The following KHDRBS2 variants were observed in gnomAD, a reference collection of about 807,000 sequenced individuals.
KHDRBS2 encodes the protein KH domain-containing, RNA-binding, signal transduction-associated protein 2.
A neutral mutation model predicts 44.3 loss-of-function variants in KHDRBS2; 26 were observed. The ratio of observed to expected loss-of-function variants is 0.59; its 90% CI spans 0.43 to 0.81. The LOEUF is 0.81. Ranked by LOEUF, KHDRBS2 falls within the 40% of genes least tolerant of loss-of-function variation. The pLI, the probability that KHDRBS2 is intolerant of heterozygous loss-of-function variation, is 0.00. For missense variants in KHDRBS2, 476 were observed against 433.1 expected (o/e 1.10, Z -0.88); for synonymous variants, 194 against 151.1 (o/e 1.28, Z -2.08).
At chr6:61,996,792 T>G (rs1485711614) in intron 3 of KHDRBS2, among the ~76,000 whole-genome samples, 2 of 61,446 alleles carry the variant, frequency 3.3e-5, no homozygotes, top group African/African-American at 6.6e-5. Context: ...CCTCCCCCCC[T>G]CACCCCCCCG....
intron 1 of KHDRBS2, among the ~76,000 whole-genome samples, chr6:62,228,316 G>A (rs1832273640): frequency 6.6e-6 from 1 of 152,114 alleles, no homozygotes; most frequent in Admixed American, 6.6e-5. Context: ...TGCTAGAGGT[G>A]TTTATAGTAC....
intron 2 of KHDRBS2, among the ~76,000 whole-genome samples, chr6:62,099,934 A>G (rs963672531): frequency 7.2e-5 from 11 of 152,230 alleles, no homozygotes; most frequent in Non-Finnish European, 1.3e-4. Flanking sequence ...TTCAAGTCCT[A>G]TTAATTAAGA....
the KHDRBS2 span, among the ~76,000 whole-genome samples, chr6:61,543,723 G>A: frequency 6.6e-6 from 1 of 152,030 alleles, no homozygotes; most frequent in Admixed American, 6.6e-5. Context: ...CAGATGAATG[G>A]ATAGCAAACA....
chr6:62,204,973 T>A (rs1293474764), intron 1 of KHDRBS2, among the ~76,000 whole-genome samples: 2 of 152,146 alleles, frequency 1.3e-5, no homozygotes, highest in Non-Finnish European at 2.9e-5. Context: ...AATAGTGTCT[T>A]CCTCTGGAGC....
At chr6:61,872,348 G>A (rs962162401) in intron 6 of KHDRBS2, among the ~76,000 whole-genome samples, 7 of 151,712 alleles carry the variant, frequency 4.6e-5, no homozygotes, top group African/African-American at 7.2e-5. Context: ...AAGAATCTTC[G>A]GATCATTAGA....
intron 3 of KHDRBS2, among the ~76,000 whole-genome samples, chr6:62,023,789 G>C (rs1207997395): frequency 1.3e-5 from 2 of 151,050 alleles, no homozygotes; most frequent in Non-Finnish European, 3.0e-5. Context: ...CCATACATTT[G>C]AGAATATTTA....
At chr6:61,615,320 T>A in the KHDRBS2 span, among the ~76,000 whole-genome samples, 1 of 150,054 alleles carries the variant, frequency 6.7e-6, no homozygotes, top group Non-Finnish European at 1.5e-5. Context: ...GCTCTTAAAA[T>A]AGTGCCTGGC....
chr6:61,995,834 C>G (rs1316964758), intron 3 of KHDRBS2, among the ~76,000 whole-genome samples: 2 of 152,136 alleles, frequency 1.3e-5, no homozygotes, highest in African/African-American at 4.8e-5. Context: ...CACTCTTCTC[C>G]CCACCAATTA....
At chr6:62,215,298 T>C (rs1829795343) in intron 1 of KHDRBS2, among the ~76,000 whole-genome samples, 1 of 151,896 alleles carries the variant, frequency 6.6e-6, no homozygotes, top group Non-Finnish European at 1.5e-5. Context: ...ATGAAGAGTG[T>C]TGCCCATTAC....
the KHDRBS2 span, among the ~76,000 whole-genome samples, chr6:61,589,788 T>A: frequency 1.3e-5 from 2 of 152,330 alleles, no homozygotes; most frequent in East Asian, 3.9e-4. Flanking sequence ...TGGAAAATAA[T>A]CTTTTTAGTG....
chr6:61,960,688 T>C (rs1482643118), intron 4 of KHDRBS2, among the ~76,000 whole-genome samples: 1 of 152,168 alleles, frequency 6.6e-6, no homozygotes, highest in Non-Finnish European at 1.5e-5. Context: ...TAAATTATTC[T>C]AAGCATTTTA....
intron 1 of KHDRBS2, among the ~76,000 whole-genome samples, chr6:62,281,718 T>C (rs1200377348): frequency 6.6e-6 from 1 of 152,196 alleles, no homozygotes; most frequent in Non-Finnish European, 1.5e-5. Flanking sequence ...TTTTTGTTTT[T>C]TCATCTTAAA....
the KHDRBS2 span, among the ~76,000 whole-genome samples, chr6:61,616,177 A>C: frequency 6.6e-6 from 1 of 152,180 alleles, no homozygotes; most frequent in African/African-American, 2.4e-5. Flanking sequence ...GGGCTAAGTG[A>C]GAATGAGAGT....
chr6:61,814,619 A>C (rs1185104289), intron 6 of KHDRBS2, among the ~76,000 whole-genome samples: 1 of 152,082 alleles, frequency 6.6e-6, no homozygotes, highest in Non-Finnish European at 1.5e-5. Flanking sequence ...AACAAAAACA[A>C]ACAAACAAAA....
intron 1 of KHDRBS2, among the ~76,000 whole-genome samples, chr6:62,281,491 G>A (rs560544204): frequency 4.0e-5 from 6 of 151,886 alleles, no homozygotes; most frequent in East Asian, 3.9e-4. Context: ...GTGGTGGCAC[G>A]CACCTGTAAT....
chr6:61,663,089 T>C, the KHDRBS2 span, among the ~76,000 whole-genome samples: 8 of 151,842 alleles, frequency 5.3e-5, no homozygotes, highest in Admixed American at 3.9e-4. Flanking sequence ...GATGAGTTCA[T>C]GTCCTTTGTA....
the KHDRBS2 span, among the ~76,000 whole-genome samples, chr6:61,580,985 C>G: frequency 6.6e-6 from 1 of 152,004 alleles, no homozygotes; most frequent in Non-Finnish European, 1.5e-5. Flanking sequence ...TAATTTAGTA[C>G]AAATAATGAA....
the KHDRBS2 span, among the ~76,000 whole-genome samples, chr6:61,674,504 A>T: frequency 6.6e-6 from 1 of 151,846 alleles, no homozygotes; most frequent in Non-Finnish European, 1.5e-5. Flanking sequence ...TTCTTGTTCA[A>T]AGAATTACAG....
chr6:61,827,948 GA>G (rs1264584641), intron 6 of KHDRBS2, among the ~76,000 whole-genome samples: 1 of 152,184 alleles, frequency 6.6e-6, no homozygotes, highest in Non-Finnish European at 1.5e-5. Context: ...GGAAGGGCAT[GA>G]TTAGGTCCAC....
Sources: gnomAD v4.1 joint callset for allele counts (sites outside exome capture counted in the v4.1 genomes callset) on GRCh38, gnomAD v4.1.1 for gene constraint, MANE v1.5 for transcripts, NCBI Gene and HGNC (gene_info 2026-07-23, HGNC 2026-07-21) for gene names.